The following SETDB2 variants were observed in gnomAD, a reference collection of about 807,000 sequenced individuals.
SETDB2 encodes the protein SET domain bifurcated histone lysine methyltransferase 2.
SETDB2 carries 56 observed loss-of-function variants against 82.5 expected under a neutral mutation model. The observed-to-expected ratio is 0.68, with a 90% CI of 0.55 to 0.85. The LOEUF is 0.85. SETDB2 is among the 40% of genes least tolerant of loss of function. The probability of loss-of-function intolerance (pLI) is 0.00; values close to 1 mark genes in which losing one functional copy is unlikely to be tolerated. For synonymous variants in SETDB2, 272 were observed against 284.9 expected, an observed-to-expected ratio of 0.95 and a Z score of 0.46; for missense variants, 677 against 816.4, an observed-to-expected ratio of 0.83 and a Z score of 2.08.
intron 4 of SETDB2, 57 bp from the exon 5 acceptor site, chr13:49,467,807 T>C: frequency 7.5e-7 from 1 of 1,339,020 alleles, no homozygotes; most frequent in African/African-American, 1.5e-5. Context: ...CTTGGGTACT[T>C]ATAGCAAATG....
intron 4 of SETDB2, among the ~76,000 whole-genome samples, chr13:49,465,971 A>T (rs763756140): frequency 1.3e-5 from 2 of 152,196 alleles, no homozygotes; most frequent in East Asian, 3.8e-4. Context: ...TAGGCAAAAC[A>T]GAGGTGTTGA....
At chr13:49,463,029 G>A (rs1486407499) in intron 4 of SETDB2, among the ~76,000 whole-genome samples, 1 of 152,022 alleles carries the variant, frequency 6.6e-6, no homozygotes, top group Admixed American at 6.6e-5. Context: ...TTCTTGAGAC[G>A]AAATCTTGCT....
At chr13:49,487,483 A>G (rs755349198) in intron 11 of SETDB2, among the ~76,000 whole-genome samples, 8 of 152,190 alleles carry the variant, frequency 5.3e-5, no homozygotes, top group Non-Finnish European at 8.8e-5. Context: ...CTACAGGCAC[A>G]CACCCCCTTG....
intron 1 of SETDB2, among the ~76,000 whole-genome samples, chr13:49,446,726 G>T (rs1319615029): frequency 6.6e-6 from 1 of 152,054 alleles, no homozygotes; most frequent in Non-Finnish European, 1.5e-5. Context: ...TATTGGTCTT[G>T]TTGTTAAATC....
At chr13:49,468,233 T>TTTTTG (rs575836496) in intron 5 of SETDB2, among the ~76,000 whole-genome samples, 2 of 152,142 alleles carry the variant, frequency 1.3e-5, no homozygotes, top group African/African-American at 4.8e-5. Flanking sequence ...AAGTAGTGTG[T>TTTTTG]TTTTGTTTTG....
chr13:49,488,012 T>C (rs1958630921), intron 11 of SETDB2, among the ~76,000 whole-genome samples: 1 of 152,202 alleles, frequency 6.6e-6, no homozygotes, highest in Non-Finnish European at 1.5e-5. Flanking sequence ...AAGCAAGATG[T>C]AGATTCATAA....
At chr13:49,450,437 T>C (rs148485413) in intron 1 of SETDB2, among the ~76,000 whole-genome samples, 15 of 152,348 alleles carry the variant, frequency 9.8e-5, no homozygotes, top group African/African-American at 2.6e-4. Context: ...TGGCTTTTTT[T>C]CAAAATTGTG....
rs369071299 is a variant in SETDB2 at position 49,460,730 on chromosome 13, C to T, written c.143-367C>T. Among the ~76,000 whole-genome samples, 250 of 152,310 alleles carry T rather than the reference C, an allele frequency of 1.6e-3. 2 individuals are homozygous for T. Among genetic ancestry groups the T allele is most frequent in the African/African-American group, 5.7e-3 (238 of 41,572 alleles). ...GAAATCCTCCTTCAATCCATCAGGACATACGGTTTTGAAGCAAATTTTTCT... is the reference window on the plus strand; with the variant it reads ...GAAATCCTCCTTCAATCCATCAGGATATACGGTTTTGAAGCAAATTTTTCT... On this transcript the variant is annotated intron_variant, in intron 3 of 13. Transcript: ENST00000611815.
chr13:49,492,775 A>G lies in SETDB2; in HGVS notation c.*926A>G, dbSNP rs1349266330. 6.6e-6 allele frequency: 1 copy of G among 152,264 alleles called. No individual in the cohort carries two copies. Among genetic ancestry groups the G allele is most frequent in the Non-Finnish European group, 1.5e-5 (1 of 68,098 alleles). The allele number at this position is 152,264 out of a possible 1,614,324, so 9.4% of individuals were successfully genotyped here. A position where few individuals can be genotyped will look rare whatever the true frequency, so the allele number is the denominator to read the frequency against. On this transcript the variant is annotated 3_prime_UTR_variant, in exon 14 of 14. Coordinates refer to ENST00000611815, the MANE Select transcript of SETDB2 (RefSeq NM_001160308.3). ...GGGGTTCAAGACCAGCTTGGGCAAC[A>G]TGTCAAAACCCTGTCTCTACAAAAA...
intron 2 of SETDB2, among the ~76,000 whole-genome samples, chr13:49,458,293 T>G (rs1480889097): frequency 6.6e-6 from 1 of 152,188 alleles, no homozygotes; most frequent in Non-Finnish European, 1.5e-5. Context: ...CCCAGGCTGG[T>G]CTTGAACTTG....
chr13:49,471,049 A>G (rs1360998886), intron 5 of SETDB2, among the ~76,000 whole-genome samples: 1 of 142,150 alleles, frequency 7.0e-6, no homozygotes, highest in Non-Finnish European at 1.5e-5. Context: ...AGCTCACTGT[A>G]GGCTTGACGC....
In SETDB2 at chr13:49,480,259, A is replaced by G; in HGVS notation, c.910A>G (p.Lys304Glu). The G allele has an allele frequency of 6.2e-7, 1 of 1,611,774 alleles. No individual in the cohort carries two copies. Among genetic ancestry groups the G allele is most frequent in the Middle Eastern group, 1.7e-4 (1 of 6,044 alleles). ...ACLQLTARNAKTSPLSSDKIT... is the reference protein window; with the variant it reads ...ACLQLTARNAETSPLSSDKIT... ...TCTTCAACTGACAGCAAGGAATGCC[A>G]AAACTTCCCCCTTGTCAAGTGACAA... The change falls in exon 7 of 14, where the codon AAA (lysine) becomes GAA (glutamate). Residue 304 changes from lysine to glutamate, a missense_variant. By Grantham distance (56) the Lys-to-Glu change is moderately conservative. Transcript: ENST00000611815.
intron 11 of SETDB2, 189 bp downstream of exon 11, chr13:49,485,912 AG>A: frequency 1.4e-6 from 1 of 719,118 alleles, no homozygotes. Flanking sequence ...CTACCTGTTC[AG>A]TATGGCATGT....
In SETDB2 at chr13:49,460,194, T is replaced by G; in HGVS notation, c.104T>G (p.Leu35Arg). The G allele has an allele frequency of 1.9e-6, 3 of 1,613,316 alleles. No homozygotes were observed. The highest frequency in any genetic ancestry group is 2.5e-6 in the Non-Finnish European group (3 of 1,179,600). Residue 35 changes from leucine (L) to arginine (R), a missense_variant, in exon 3 of 14, where the codon CTG becomes CGG. Leu to Arg is a moderately radical substitution (Grantham distance 102). Transcript: ENST00000611815. ...CAAGTACAAAATGTGCTGCAGTCAC[T>G]GAAACAAAAGATCAAAGATGGGTCT... is the stretch of plus-strand genomic sequence containing the variant. The part of the protein sequence containing the change: ...FEQVQNVLQS[L>R]KQKIKDGSAT...
At chr13:49,487,908 T>C (rs1958628733) in intron 11 of SETDB2, among the ~76,000 whole-genome samples, 1 of 152,192 alleles carries the variant, frequency 6.6e-6, no homozygotes, top group South Asian at 2.1e-4. Context: ...ACCCACTCTG[T>C]TACATTTGTT....
chr13:49,488,954 T>C (rs1958647667), intron 12 of SETDB2: 1 of 183,856 alleles, frequency 5.4e-6, no homozygotes, highest in African/African-American at 2.4e-5. Flanking sequence ...AGTATTTAAA[T>C]ATATCAGATT....
intron 5 of SETDB2, among the ~76,000 whole-genome samples, chr13:49,471,934 A>ATATATATATATAT (rs1378783393): frequency 9.2e-5 from 11 of 119,258 alleles, no homozygotes; most frequent in South Asian, 5.8e-4. Context: ...ATATATATAT[A>ATATATATATATAT]TTTTTTTTTT....
intron 5 of SETDB2, among the ~76,000 whole-genome samples, chr13:49,473,443 C>T (rs1035518235): frequency 6.6e-6 from 1 of 150,592 alleles, no homozygotes; most frequent in African/African-American, 2.4e-5. Context: ...CCCAGCTACT[C>T]GAGAGGCTGA....
At chr13:49,483,733 T>C (rs1207153754) in intron 10 of SETDB2, among the ~76,000 whole-genome samples, 170 bp downstream of exon 10, 3 of 137,950 alleles carry the variant, frequency 2.2e-5, no homozygotes, top group Admixed American at 7.9e-5. Flanking sequence ...GGCTCGAGTA[T>C]CCTCCTCCCT....
Sources: allele counts gnomAD v4.1 joint callset (sites outside exome capture counted in the v4.1 genomes callset), GRCh38; gene constraint gnomAD v4.1.1; transcripts MANE v1.5; gene names NCBI Gene and HGNC (gene_info 2026-07-23, HGNC 2026-07-21).